The following MERTK variants were observed in gnomAD, a reference collection of about 807,000 sequenced individuals.
The protein encoded by MERTK is tyrosine-protein kinase Mer.
In MERTK, 69 loss-of-function variants were observed where a neutral mutation model predicts 99.3. That is an observed-to-expected ratio of 0.70 (90% CI 0.57 to 0.85). The LOEUF is 0.85. Among genes scored for constraint, MERTK ranks in the 40% least tolerant of loss-of-function variants. The pLI is 0.00. For missense variants in MERTK, 1,125 were observed against 1,249.4 expected, an observed-to-expected ratio of 0.90 and a Z score of 1.50; for synonymous variants, 426 against 467.6, an observed-to-expected ratio of 0.91 and a Z score of 1.15.
chr2:111,994,783 A>G, intron 9 of MERTK: 1 of 290,542 alleles, frequency 3.4e-6, no homozygotes, highest in South Asian at 3.2e-5. Flanking sequence ...GTCTCAAAAA[A>G]AGAAAAAAAA....
chr2:111,975,230 G>A (rs1676222073), intron 6 of MERTK, 59 bp from the exon 7 acceptor site: 9 of 1,556,068 alleles, frequency 5.8e-6, no homozygotes, highest in Admixed American at 5.0e-5. Context: ...CACAGGCCCC[G>A]TGCCTGACAT....
At position 112,029,401 on chromosome 2, in the gene MERTK, A is replaced by ACTCCACTT; in HGVS notation, c.*537_*538insCTCCACTT. ...TGAACTTACTTGAGACTTGAAAGAC[A>ACTCCACTT]GTGGTCGGCAGCGGCCTTGTGGCCT... On this transcript the variant is annotated 3_prime_UTR_variant, in exon 19 of 19. Transcript: ENST00000295408. 1 of 905,450 alleles carries ACTCCACTT rather than the reference A, an allele frequency of 1.1e-6. No homozygotes were observed. The highest frequency in any genetic ancestry group is 5.1e-5 in the South Asian group (1 of 19,652). The allele number at this position is 905,450 out of a possible 1,614,324, so 56.1% of individuals were successfully genotyped here. A position where few individuals can be genotyped will look rare whatever the true frequency, so the allele number is the denominator to read the frequency against.
chr2:111,919,623 C>G (rs1254551468), intron 1 of MERTK, among the ~76,000 whole-genome samples: 1 of 151,740 alleles, frequency 6.6e-6, no homozygotes, highest in Non-Finnish European at 1.5e-5. Flanking sequence ...AAAGCACCAC[C>G]AAGAAAAAGG....
intron 8 of MERTK, among the ~76,000 whole-genome samples, chr2:111,984,457 G>A (rs902662498): frequency 4.6e-5 from 7 of 152,120 alleles, no homozygotes; most frequent in African/African-American, 1.7e-4. Flanking sequence ...TCTCAGATGG[G>A]AAAAGATAAC....
chr2:112,003,842 G>A, intron 12 of MERTK, 62 bp from the exon 13 acceptor site: 1 of 1,395,344 alleles, frequency 7.2e-7, no homozygotes. Context: ...TGGCACTGTA[G>A]CATTTCTGTG....
At chr2:111,942,393 C>T (rs753684457) in intron 2 of MERTK, among the ~76,000 whole-genome samples, 18 of 152,290 alleles carry the variant, frequency 1.2e-4, no homozygotes, top group Middle Eastern at 3.4e-3. Flanking sequence ...CCAGGGTCAC[C>T]GCTCAACCAC....
intron 2 of MERTK, among the ~76,000 whole-genome samples, chr2:111,943,257 T>C (rs72825604): frequency 0.021 from 3,197 of 152,348 alleles, 57 homozygotes; most frequent in Middle Eastern, 0.068. Flanking sequence ...GGAAGGAAGG[T>C]GGAACTTCCA....
intron 9 of MERTK, 61 bp from the exon 10 acceptor site, chr2:111,997,262 T>C (rs754130707): frequency 5.8e-6 from 9 of 1,561,888 alleles, no homozygotes; most frequent in African/African-American, 1.4e-5. Context: ...TTCTTCCCTG[T>C]TACAAGCCAG....
chr2:111,963,420 CT>C (rs1419416599), intron 4 of MERTK, among the ~76,000 whole-genome samples: 2 of 152,198 alleles, frequency 1.3e-5, no homozygotes, highest in African/African-American at 2.4e-5. Flanking sequence ...ACGGTCAGGT[CT>C]TTCCCTTCCC....
chr2:111,926,083 G>A (rs1461656657), intron 1 of MERTK, among the ~76,000 whole-genome samples: 3 of 150,212 alleles, frequency 2.0e-5, no homozygotes, highest in Non-Finnish European at 3.0e-5. Context: ...CGCCTGCCTT[G>A]GCCTCCCAAA....
chr2:111,947,836 C>T (rs977836511), intron 4 of MERTK, among the ~76,000 whole-genome samples: 3 of 152,138 alleles, frequency 2.0e-5, no homozygotes, highest in Non-Finnish European at 4.4e-5. Flanking sequence ...GCCCAGGCAG[C>T]AGGAGCCCTG....
intron 3 of MERTK, among the ~76,000 whole-genome samples, chr2:111,946,098 G>T (rs550730235): frequency 1.2e-3 from 185 of 152,220 alleles, no homozygotes; most frequent in Non-Finnish European, 1.7e-3. Flanking sequence ...AGGAGTGAGT[G>T]GGGAAGACAG....
In MERTK at chr2:111,929,326, C is replaced by T. The variant is rs767490861; in HGVS notation, c.268C>T (p.Pro90Ser). 2 of 1,614,190 alleles carry T rather than the reference C, an allele frequency of 1.2e-6. No homozygotes were observed. Among genetic ancestry groups the T allele is most frequent in the Non-Finnish European group, 1.7e-6 (2 of 1,180,048 alleles). The change falls in exon 2 of 19, where the codon CCC (proline) becomes TCC (serine). Residue 90 changes from proline (P) to serine (S), a missense_variant. Pro to Ser is a moderately conservative substitution (Grantham distance 74). Transcript: ENST00000295408. Reference sequence around the variant, plus strand: ...CCAGGTGACCTCTGTCGAATCAAAGCCCCTACCGCCTCTTGCCTTCAAACA... The same window carrying T: ...CCAGGTGACCTCTGTCGAATCAAAGTCCCTACCGCCTCTTGCCTTCAAACA... ...IPQVTSVESK[P>S]LPPLAFKHTV...
chr2:111,944,390 T>C (rs1465208933), intron 2 of MERTK, among the ~76,000 whole-genome samples: 1 of 2,720 alleles, frequency 3.7e-4, no homozygotes, highest in African/African-American at 2.9e-3. Context: ...CTATAGGATC[T>C]GTGTCTACAG....
chr2:111,970,782 TCCTCCCTCCTCCTCCTCCC>T (rs1386736818), intron 6 of MERTK, among the ~76,000 whole-genome samples: 795 of 26,682 alleles, frequency 0.03, 2 homozygotes, highest in Non-Finnish European at 0.047. Context: ...CTCCTCCTCC[TCCTCCCTCCTCCTCCTCCC>T]CCCTCCTCCT....
chr2:111,931,672 G>A (rs1271030514), intron 2 of MERTK, among the ~76,000 whole-genome samples: 12 of 149,804 alleles, frequency 8.0e-5, no homozygotes, highest in African/African-American at 3.0e-4. Context: ...GCAACAGAGC[G>A]AGACTCCATC....
intron 2 of MERTK, among the ~76,000 whole-genome samples, chr2:111,943,002 T>G (rs1684892998): frequency 6.6e-6 from 1 of 152,194 alleles, no homozygotes; most frequent in Non-Finnish European, 1.5e-5. Context: ...CTAAGGAAAC[T>G]CTGTCTCATT....
intron 1 of MERTK, among the ~76,000 whole-genome samples, chr2:111,911,548 C>T (rs767827914): frequency 4.6e-5 from 7 of 151,804 alleles, no homozygotes; most frequent in African/African-American, 7.3e-5. Context: ...ACCACCATGC[C>T]CAGCTAATTT....
At chr2:111,925,763 C>T (rs1684553886) in intron 1 of MERTK, among the ~76,000 whole-genome samples, 1 of 151,984 alleles carries the variant, frequency 6.6e-6, no homozygotes, top group Admixed American at 6.6e-5. Flanking sequence ...AGATTATACC[C>T]CAAATTGTAA....
Sources: allele counts gnomAD v4.1 joint callset (sites outside exome capture counted in the v4.1 genomes callset), GRCh38; gene constraint gnomAD v4.1.1; transcripts MANE v1.5; gene names NCBI Gene and HGNC (gene_info 2026-07-23, HGNC 2026-07-21).